The following RAPGEF5 variants were observed in gnomAD, a reference collection of about 807,000 sequenced individuals.
RAPGEF5 encodes the protein Rap guanine nucleotide exchange factor 5.
A neutral mutation model predicts 125.2 loss-of-function variants in RAPGEF5; 65 were observed. That is an observed-to-expected ratio of 0.52 (90% CI 0.43 to 0.64). The LOEUF is 0.64. Among genes scored for constraint, RAPGEF5 ranks in the 30% least tolerant of loss-of-function variants. RAPGEF5 has a pLI of 0.00. For synonymous variants in RAPGEF5, 391 were observed against 385.9 expected (o/e 1.01, Z -0.16); for missense variants, 958 against 1,048.1 (o/e 0.91, Z 1.19).
intron 7 of RAPGEF5, among the ~76,000 whole-genome samples, chr7:22,253,239 T>G (rs891731235): frequency 1.3e-5 from 2 of 152,216 alleles, no homozygotes; most frequent in African/African-American, 4.8e-5. Context: ...GTGTTGATTA[T>G]TTTAGGGGAA....
chr7:22,315,530 G>C, intron 2 of RAPGEF5, 54 bp from the exon 3 acceptor site: 1 of 1,215,314 alleles, frequency 8.2e-7, no homozygotes, highest in Admixed American at 4.1e-5. Context: ...GACAATTTGT[G>C]AACTACCAAT....
chr7:22,315,035 G>A (rs920562609), intron 3 of RAPGEF5, among the ~76,000 whole-genome samples: 1 of 152,002 alleles, frequency 6.6e-6, no homozygotes, highest in Non-Finnish European at 1.5e-5. Context: ...CCTAAAGAGG[G>A]GATCTATATT....
chr7:22,283,069 A>G (rs1354874062), intron 6 of RAPGEF5, among the ~76,000 whole-genome samples: 1 of 151,662 alleles, frequency 6.6e-6, no homozygotes, highest in Non-Finnish European at 1.5e-5. Context: ...ACACACACAC[A>G]CGCATGAAAA....
chr7:22,239,974 C>T (rs141438785), intron 7 of RAPGEF5, among the ~76,000 whole-genome samples: 1,799 of 151,858 alleles, frequency 0.012, 38 homozygotes, highest in African/African-American at 0.04. Context: ...TTTGGGAGGC[C>T]GAGGCGGGCG....
In RAPGEF5 at chr7:22,308,403, T is replaced by A; in HGVS notation, c.616A>T (p.Asn206Tyr). Residue 206 changes from asparagine (N) to tyrosine (Y), a missense_variant, in exon 5 of 26, where the codon AAT becomes TAT. By Grantham distance (143) the Asn-to-Tyr change is moderately radical. Coordinates refer to ENST00000665637, the MANE Select transcript of RAPGEF5 (RefSeq NM_012294.5). ...CEFEREEEWQ[N>Y]GVKLLLQLVP... ...AGTTGCAGTAAAAGCTTGACACCATTTTGCCATTCTTCTTCTCTTTCAAAT... is the reference window on the plus strand; with the variant it reads ...AGTTGCAGTAAAAGCTTGACACCATATTGCCATTCTTCTTCTCTTTCAAAT... 1.3e-6 allele frequency: 2 copies of A among 1,585,892 alleles called. No homozygotes were observed. The highest frequency in any genetic ancestry group is 1.7e-6 in the Non-Finnish European group (2 of 1,164,542).
At position 22,310,000 on chromosome 7, in the gene RAPGEF5, T is replaced by C. The variant is rs763659429; in HGVS notation, c.480A>G (p.Gln160=). 7 of 1,592,130 alleles carry C rather than the reference T, an allele frequency of 4.4e-6. No individual in the cohort carries two copies. Among genetic ancestry groups the C allele is most frequent in the African/African-American group, 4.1e-5 (3 of 73,324 alleles). ...ACATAATTCCCATGTCCAGTAGGAGTTGCCAGACTCCTATGGCCATAGATC... is the reference window on the plus strand; with the variant it reads ...ACATAATTCCCATGTCCAGTAGGAGCTGCCAGACTCCTATGGCCATAGATC... ...QCRSMAIGVW[Q]LLLDMGIMLS... is the part of the protein sequence containing the mutation. Residue 160 remains glutamine, a synonymous_variant, in exon 4 of 26, where the codon CAA becomes CAG. Transcript: ENST00000665637.
At chr7:22,320,990 ATGATTCCTTTATCCTATGTATTTTAGATT>A (rs1783704144) in intron 1 of RAPGEF5, among the ~76,000 whole-genome samples, 1 of 152,194 alleles carries the variant, frequency 6.6e-6, no homozygotes, top group Admixed American at 6.5e-5. Context: ...GCCCAAAGTG[ATGATTCCTTTATCCTATGTATTTTAGATT>A]TCCTAGAATT....
chr7:22,319,876 G>A (rs547489383), intron 1 of RAPGEF5, among the ~76,000 whole-genome samples: 1 of 151,820 alleles, frequency 6.6e-6, no homozygotes, highest in Non-Finnish European at 1.5e-5. Flanking sequence ...GTGGGCAGGG[G>A]CATTTTCACA....
At chr7:22,189,742 T>TG (rs1427673587) in intron 11 of RAPGEF5, among the ~76,000 whole-genome samples, 2 of 152,194 alleles carry the variant, frequency 1.3e-5, no homozygotes, top group African/African-American at 4.8e-5. Context: ...ACCAGACTCA[T>TG]AGTTTTCCTA....
intron 9 of RAPGEF5, among the ~76,000 whole-genome samples, chr7:22,218,350 T>C (rs920855215): frequency 6.6e-6 from 1 of 152,208 alleles, no homozygotes; most frequent in Non-Finnish European, 1.5e-5. Flanking sequence ...AGTGGTACCC[T>C]ACTGTTCTAC....
intron 5 of RAPGEF5, among the ~76,000 whole-genome samples, chr7:22,304,381 C>A (rs1256395654): frequency 6.6e-6 from 1 of 152,162 alleles, no homozygotes; most frequent in African/African-American, 2.4e-5. Flanking sequence ...TGCTATATAG[C>A]AATTCTCAAC....
chr7:22,356,770 TG>T, intron 1 of RAPGEF5, 59 bp downstream of exon 1: 1 of 959,454 alleles, frequency 1.0e-6, no homozygotes, highest in Non-Finnish European at 1.3e-6. Flanking sequence ...GCCCGGGGGG[TG>T]GGCGCGGGCT....
Position 22,150,432 on chromosome 7 carries a change from T to G in RAPGEF5, c.1859A>C (p.Tyr620Ser). 1 of 1,607,814 alleles carries G rather than the reference T, an allele frequency of 6.2e-7. No homozygotes were observed. ...SLEASGRIYV[Y>S]RKDLADTLNP... Reference sequence around the variant, plus strand: ...CAAAGTGTCCGCCAGGTCTTTCCGGTAGACATATATTCGACCAGATGCCTC... The same window carrying G: ...CAAAGTGTCCGCCAGGTCTTTCCGGGAGACATATATTCGACCAGATGCCTC... The change falls in exon 18 of 26, where the codon TAC (tyrosine) becomes TCC (serine). Residue 620 changes from tyrosine (Y) to serine (S), a missense_variant. Coordinates refer to ENST00000665637, the MANE Select transcript of RAPGEF5 (RefSeq NM_012294.5).
chr7:22,167,180 A>G (rs752881950), intron 11 of RAPGEF5, 32 bp from the exon 12 acceptor site: 42 of 1,549,732 alleles, frequency 2.7e-5, no homozygotes, highest in Non-Finnish European at 3.6e-5. Context: ...ACACAAGGTA[A>G]GCAAAGAGGT....
rs868013827 is a variant in RAPGEF5 at position 22,298,131 on chromosome 7, T to C, written c.681-6890A>G. On this transcript the variant is annotated intron_variant, in intron 5 of 25. Transcript: ENST00000665637. ...TCATAACGTATTTATAATTTTTATATGTGAGGAAGATTGTGTCTATGCTAA... is the reference window on the plus strand; with the variant it reads ...TCATAACGTATTTATAATTTTTATACGTGAGGAAGATTGTGTCTATGCTAA... 7.3e-4 allele frequency among the ~76,000 whole-genome samples: 111 copies of C among 152,150 alleles called. 1 individual carries two copies. Among genetic ancestry groups the C allele is most frequent in the Admixed American group, 8.5e-4 (13 of 15,276 alleles).
chr7:22,217,528 C>T (rs1025463493), intron 9 of RAPGEF5, among the ~76,000 whole-genome samples: 1 of 152,114 alleles, frequency 6.6e-6, no homozygotes, highest in African/African-American at 2.4e-5. Flanking sequence ...AAACTGTAAC[C>T]ATCTAGTACC....
intron 6 of RAPGEF5, among the ~76,000 whole-genome samples, chr7:22,285,632 G>T (rs1431347770): frequency 6.6e-6 from 1 of 152,144 alleles, no homozygotes; most frequent in Non-Finnish European, 1.5e-5. Flanking sequence ...AGGAATCCTT[G>T]TCATTTTATA....
At chr7:22,267,870 T>G (rs1260341308) in intron 6 of RAPGEF5, among the ~76,000 whole-genome samples, 1 of 152,108 alleles carries the variant, frequency 6.6e-6, no homozygotes, top group Non-Finnish European at 1.5e-5. Flanking sequence ...TGATGGGTTT[T>G]TTTTTTTCGG....
intron 11 of RAPGEF5, chr7:22,191,347 T>A (rs960484479): frequency 6.0e-6 from 2 of 332,074 alleles, no homozygotes; most frequent in African/African-American, 4.3e-5. Context: ...GCATCTCTTT[T>A]ATATACACAT....
Sources: allele counts gnomAD v4.1 joint callset (sites outside exome capture counted in the v4.1 genomes callset), GRCh38; gene constraint gnomAD v4.1.1; transcripts MANE v1.5; gene names NCBI Gene and HGNC (gene_info 2026-07-23, HGNC 2026-07-21).